The following ANKRD30B variants were observed in gnomAD, a reference collection of about 807,000 sequenced individuals.
ANKRD30B encodes the protein ankyrin repeat domain-containing protein 30B.
A neutral mutation model predicts 202.2 loss-of-function variants in ANKRD30B; 144 were observed. The observed-to-expected ratio is 0.71, with a 90% CI of 0.62 to 0.82. The LOEUF is 0.82. Among genes scored for constraint, ANKRD30B ranks in the 40% least tolerant of loss-of-function variants. ANKRD30B has a pLI of 0.00. For synonymous variants in ANKRD30B, 508 were observed against 561.3 expected (o/e 0.91, Z 1.34); for missense variants, 1,487 against 1,669.1 (o/e 0.89, Z 1.90).
Position 14,848,836 on chromosome 18 carries a change from G to C in ANKRD30B, c.3302G>C (p.Cys1101Ser). ...AKMEQTKNKF[C>S]VLQKELSEAK... ...ATGGAACAAACGAAAAATAAGTTTT[G>C]TGTACTACAAAAGGAACTGTCAGAA... Residue 1101 changes from cysteine (C) to serine (S), a missense_variant, in exon 40 of 44, where the codon TGT becomes TCT. Transcript: ENST00000690538. 6.3e-7 allele frequency: 1 copy of C among 1,591,986 alleles called. No individual in the cohort carries two copies. The highest frequency in any genetic ancestry group is 8.6e-7 in the Non-Finnish European group (1 of 1,169,168).
chr18:14,879,629 G>A, the ANKRD30B span, among the ~76,000 whole-genome samples: 3 of 151,936 alleles, frequency 2.0e-5, no homozygotes, highest in African/African-American at 4.8e-5. Flanking sequence ...CAGAGTTAAG[G>A]GTTAGGAGTC....
intron 30 of ANKRD30B, among the ~76,000 whole-genome samples, chr18:14,819,938 G>T (rs28876743): frequency 6.6e-6 from 1 of 151,980 alleles, no homozygotes; most frequent in Non-Finnish European, 1.5e-5. Flanking sequence ...CATTGAATCT[G>T]TAAATAACCT....
intron 30 of ANKRD30B, chr18:14,816,411 A>G (rs1970105901): frequency 6.6e-6 from 1 of 152,076 alleles, no homozygotes; most frequent in Non-Finnish European, 1.5e-5. Context: ...TTTGGGAGGC[A>G]GAGGCATGCG....
chr18:14,880,566 GT>G, the ANKRD30B span, among the ~76,000 whole-genome samples: 95 of 128,738 alleles, frequency 7.4e-4, 1 homozygote, highest in African/African-American at 2.4e-3. Context: ...TTCTTTCTTG[GT>G]TTTTTTTTTT....
the ANKRD30B span, among the ~76,000 whole-genome samples, chr18:14,885,425 A>G: frequency 6.6e-6 from 1 of 152,144 alleles, no homozygotes; most frequent in African/African-American, 2.4e-5. Flanking sequence ...TGCAACCACT[A>G]ATACATTATG....
chr18:14,938,133 C>T, the ANKRD30B span, among the ~76,000 whole-genome samples: 2 of 152,202 alleles, frequency 1.3e-5, no homozygotes, highest in Admixed American at 1.3e-4. Flanking sequence ...GGAGGAAATG[C>T]ATAAACACCG....
the ANKRD30B span, among the ~76,000 whole-genome samples, chr18:14,882,268 A>G: frequency 2.5e-3 from 382 of 152,246 alleles, 1 homozygote; most frequent in Non-Finnish European, 4.1e-3. Flanking sequence ...CTTTCCTCTT[A>G]GCACTGCCTT....
intron 3 of ANKRD30B, 75 bp from the exon 4 acceptor site, chr18:14,754,824 A>T: frequency 9.9e-7 from 1 of 1,007,654 alleles, no homozygotes; most frequent in East Asian, 3.0e-5. Flanking sequence ...AGTTAATAGG[A>T]TATAATATAA....
the ANKRD30B span, among the ~76,000 whole-genome samples, chr18:14,891,413 T>C: frequency 1.8e-4 from 26 of 144,794 alleles, no homozygotes; most frequent in Non-Finnish European, 7.5e-5. Flanking sequence ...TCAGAGCTCA[T>C]CCAGTTGAGA....
rs776170447 is a variant in ANKRD30B, at chr18:14,852,359, A to G, written c.4415A>G (p.Asn1472Ser). ...AACGAGAAAAATGAGGAGGTATTCA[A>G]TTATGGTAACCATTTAAAAGAACGT... Reference protein sequence around the residue: ...HLNEKNEEVFNYGNHLKERID... With the variant: ...HLNEKNEEVFSYGNHLKERID... Residue 1472 changes from asparagine to serine, a missense_variant, in exon 42 of 44, where the codon AAT becomes AGT. Physicochemically the swap from Asn to Ser is conservative, Grantham distance 46 (BLOSUM62 1). Transcript: ENST00000690538. The G allele has an allele frequency of 6.5e-6, 10 of 1,541,958 alleles. No individual in the cohort carries two copies. Among genetic ancestry groups the G allele is most frequent in the Non-Finnish European group, 8.7e-6 (10 of 1,144,386 alleles).
chr18:14,856,021 G>A (rs1328600172), downstream of ANKRD30B, among the ~76,000 whole-genome samples: 1 of 139,218 alleles, frequency 7.2e-6, no homozygotes, highest in Non-Finnish European at 1.6e-5. Context: ...GCCAGGCAGA[G>A]GTGCTCCTCG....
chr18:14,906,691 T>A, the ANKRD30B span, among the ~76,000 whole-genome samples: 1 of 152,146 alleles, frequency 6.6e-6, no homozygotes, highest in Non-Finnish European at 1.5e-5. Flanking sequence ...GTCCCATTGA[T>A]GAAAAGAACC....
At chr18:14,893,216 C>T in the ANKRD30B span, among the ~76,000 whole-genome samples, 2 of 152,166 alleles carry the variant, frequency 1.3e-5, no homozygotes, top group African/African-American at 4.8e-5. Flanking sequence ...CTCTTTTATT[C>T]AAGAAAAGCT....
chr18:14,820,978 G>A (rs1372180290), intron 30 of ANKRD30B, among the ~76,000 whole-genome samples: 1 of 152,172 alleles, frequency 6.6e-6, no homozygotes, highest in African/African-American at 2.4e-5. Flanking sequence ...ATTCGGCTGT[G>A]AATCCATCTG....
Position 14,778,039 on chromosome 18 carries a change from C to CAA in ANKRD30B, c.1388_1389dup (p.Asp464LysfsTer6). 1 of 1,548,954 alleles carries CAA rather than the reference C, an allele frequency of 6.5e-7. No homozygotes were observed. The highest frequency in any genetic ancestry group is 1.2e-5 in the South Asian group (1 of 83,934). Reference sequence around the variant, plus strand: ...TACGTGTTTACCTGATGCTACATATCAAAAAGATATCAAAACAATAAATCA... The same window carrying CAA: ...TACGTGTTTACCTGATGCTACATATCAAAAAAAGATATCAAAACAATAAATCA... On this transcript the variant is annotated frameshift_variant, in exon 10 of 44. Transcript: ENST00000690538. LOFTEE classifies it high-confidence loss of function.
chr18:14,916,662 A>G, the ANKRD30B span, among the ~76,000 whole-genome samples: 1 of 152,186 alleles, frequency 6.6e-6, no homozygotes, highest in Admixed American at 6.5e-5. Flanking sequence ...AAAACTTCTT[A>G]CTAAATTAAT....
chr18:14,897,397 T>TCTCA, the ANKRD30B span, among the ~76,000 whole-genome samples: 1 of 152,078 alleles, frequency 6.6e-6, no homozygotes, highest in East Asian at 1.9e-4. Flanking sequence ...GCCAGGCTGG[T>TCTCA]CTCAAACTCC....
chr18:14,783,420 G>T (rs1170307578), intron 12 of ANKRD30B, among the ~76,000 whole-genome samples: 1 of 152,070 alleles, frequency 6.6e-6, no homozygotes, highest in African/African-American at 2.4e-5. Context: ...TATATATTTT[G>T]CTGATGTTAG....
In ANKRD30B at chr18:14,748,405, C is replaced by T; in HGVS notation, c.-15C>T. ...AGCGGGAGGCGCGGGCTCTCTCTAG[C>T]AGGGGGCTGCAGCCATGAAGAGGCT... On this transcript the variant is annotated 5_prime_UTR_variant, in exon 1 of 44. Transcript: ENST00000690538. The T allele has an allele frequency of 6.8e-7, 1 of 1,464,422 alleles. No individual in the cohort carries two copies. The highest frequency in any genetic ancestry group is 9.1e-7 in the Non-Finnish European group (1 of 1,104,886). The allele number at this position is 1,464,422 out of a possible 1,614,324, so 90.7% of individuals were successfully genotyped here.
Sources: allele counts gnomAD v4.1 joint callset (sites outside exome capture counted in the v4.1 genomes callset), GRCh38; gene constraint gnomAD v4.1.1; transcripts MANE v1.5; gene names NCBI Gene and HGNC (gene_info 2026-07-23, HGNC 2026-07-21).